KYNU: variants seen among roughly 807,000 people sequenced by gnomAD.
The protein encoded by KYNU is L-kynurenine hydrolase.
In KYNU, 54 loss-of-function variants were observed where a neutral mutation model predicts 59.2. The observed-to-expected ratio is 0.91, with a 90% confidence interval of 0.73 to 1.14. The LOEUF (loss-of-function observed/expected upper bound fraction) is 1.14. Among genes scored for constraint, KYNU ranks in the 50% most tolerant of loss-of-function variants. The pLI is 0.00. For missense variants in KYNU, 567 were observed against 554.4 expected, an observed-to-expected ratio of 1.02 and a Z score of -0.23; for synonymous variants, 177 against 192.0, an observed-to-expected ratio of 0.92 and a Z score of 0.65.
At chr2:142,922,645 A>G (rs1292528067) in intron 3 of KYNU, among the ~76,000 whole-genome samples, 2 of 152,226 alleles carry the variant, frequency 1.3e-5, no homozygotes, top group African/African-American at 2.4e-5. Context: ...CACGGATTCC[A>G]TCTTCTCCAG....
At chr2:142,918,154 CTTAAG>C (rs1429637705) in intron 2 of KYNU, among the ~76,000 whole-genome samples, 13 of 152,220 alleles carry the variant, frequency 8.5e-5, no homozygotes, top group East Asian at 5.8e-4. Context: ...AGTACATCTA[CTTAAG>C]TTATGTAAAT....
intron 3 of KYNU, among the ~76,000 whole-genome samples, chr2:142,924,596 T>C (rs773061646): frequency 7.9e-5 from 12 of 152,172 alleles, no homozygotes; most frequent in Non-Finnish European, 1.2e-4. Flanking sequence ...TCTATTAACT[T>C]CCTAATTTTA....
chr2:142,985,294 T>G, intron 9 of KYNU, 112 bp downstream of exon 9: 1 of 718,524 alleles, frequency 1.4e-6, no homozygotes, highest in South Asian at 1.5e-5. Context: ...TCCCTATTTC[T>G]TTTATTGTAT....
intron 8 of KYNU, among the ~76,000 whole-genome samples, chr2:142,982,756 G>A (rs965545702): frequency 5.9e-5 from 9 of 151,968 alleles, no homozygotes; most frequent in Non-Finnish European, 1.3e-4. Context: ...AAAACAGCTG[G>A]CTCACATTGA....
At chr2:142,893,803 G>A (rs1359885465) in intron 2 of KYNU, among the ~76,000 whole-genome samples, 1 of 151,984 alleles carries the variant, frequency 6.6e-6, no homozygotes, top group Non-Finnish European at 1.5e-5. Context: ...AATTGCTGAA[G>A]ACAATCTTTC....
At chr2:142,927,582 G>C in intron 3 of KYNU, 77 bp from the exon 4 acceptor site, 1 of 1,091,772 alleles carries the variant, frequency 9.2e-7, no homozygotes, top group Admixed American at 1.7e-5. Flanking sequence ...ATGTTTATTT[G>C]CTAAAGCTGA....
At chr2:142,920,473 G>T (rs559593726) in intron 3 of KYNU, among the ~76,000 whole-genome samples, 3 of 152,130 alleles carry the variant, frequency 2.0e-5, no homozygotes, top group Non-Finnish European at 4.4e-5. Context: ...AATATATTCT[G>T]CCCTGCTATT....
chr2:142,904,497 T>C (rs1396791807), intron 2 of KYNU, among the ~76,000 whole-genome samples: 1 of 152,192 alleles, frequency 6.6e-6, no homozygotes, highest in African/African-American at 2.4e-5. Flanking sequence ...TCATTTGGGA[T>C]TAGTGTCTGA....
intron 4 of KYNU, among the ~76,000 whole-genome samples, chr2:142,930,884 C>T (rs897541499): frequency 6.6e-6 from 1 of 152,190 alleles, no homozygotes; most frequent in Admixed American, 6.5e-5. Flanking sequence ...CAATAGACAA[C>T]ACGAGGTGGT....
intron 8 of KYNU, among the ~76,000 whole-genome samples, chr2:142,984,364 C>T (rs1021225313): frequency 6.6e-6 from 1 of 151,906 alleles, no homozygotes; most frequent in African/African-American, 2.4e-5. Flanking sequence ...CTAATTTCCC[C>T]TGGAAACTCT....
rs895938167 is a variant in KYNU, at chr2:142,960,113, C to G, written c.583-511C>G. On this transcript the variant is annotated intron_variant, in intron 7 of 13. Transcript: ENST00000264170. The stretch of plus-strand genomic sequence containing the variant: ...TGTTGGCCAAGCTGGTCTCAAACTC[C>G]TTACCTCAAGTGATCTGCCCACCTT... Among the ~76,000 whole-genome samples, 4 of 152,164 alleles carry G rather than the reference C, an allele frequency of 2.6e-5. No individual in the cohort carries two copies. The South Asian group carries it at 8.3e-4, about 31-fold the overall frequency.
intron 10 of KYNU, among the ~76,000 whole-genome samples, chr2:143,021,974 C>A (rs1294407464): frequency 1.2e-4 from 18 of 151,944 alleles, no homozygotes; most frequent in African/African-American, 4.4e-4. Context: ...ATTTAGATTT[C>A]AGATATTTAT....
intron 10 of KYNU, among the ~76,000 whole-genome samples, chr2:143,028,847 TCAAA>T (rs1488780275): frequency 2.4e-5 from 2 of 81,776 alleles, no homozygotes; most frequent in East Asian, 7.6e-4. Context: ...AAACTCTGTC[TCAAA>T]CAAAACAAAA....
rs1160628544 is a variant in KYNU at position 142,973,699 on chromosome 2, T to C, written c.730-11385T>C. Among the ~76,000 whole-genome samples the C allele has an allele frequency of 2.6e-5, 4 of 152,152 alleles. No individual in the cohort carries two copies. In the East Asian group the frequency reaches 5.8e-4, roughly 22 times the overall value. On this transcript the variant is annotated intron_variant, in intron 8 of 13. Coordinates refer to ENST00000264170, the MANE Select transcript of KYNU (RefSeq NM_003937.3). The stretch of plus-strand genomic sequence containing the variant: ...CTCGCTCCCATTGTCTAATACCAGC[T>C]GAGGTGTACATTACACTCAAGAAAT...
intron 2 of KYNU, among the ~76,000 whole-genome samples, chr2:142,899,328 G>A (rs1681992657): frequency 6.6e-6 from 1 of 152,128 alleles, no homozygotes; most frequent in African/African-American, 2.4e-5. Context: ...TTTACCTCCT[G>A]CTTTTAGCCT....
intron 4 of KYNU, among the ~76,000 whole-genome samples, chr2:142,936,201 T>C (rs964621480): frequency 2.0e-5 from 3 of 152,068 alleles, no homozygotes; most frequent in African/African-American, 4.8e-5. Flanking sequence ...GTGATCTGAG[T>C]GCAAAAAACG....
chr2:142,993,716 C>A (rs145087791), intron 10 of KYNU, among the ~76,000 whole-genome samples: 53 of 151,868 alleles, frequency 3.5e-4, no homozygotes, highest in Non-Finnish European at 5.4e-4. Context: ...CATTGAGGCA[C>A]GAGCACAGTT....
At chr2:143,016,635 G>A (rs536355172) in intron 10 of KYNU, among the ~76,000 whole-genome samples, 1 of 152,078 alleles carries the variant, frequency 6.6e-6, no homozygotes, top group Non-Finnish European at 1.5e-5. Flanking sequence ...GATTTGAGAA[G>A]GGTTCTGACT....
At chr2:143,006,097 A>G (rs917433745) in intron 10 of KYNU, among the ~76,000 whole-genome samples, 3 of 152,122 alleles carry the variant, frequency 2.0e-5, no homozygotes, top group Non-Finnish European at 2.9e-5. Context: ...AGCTCCCAGC[A>G]TGAGCAACGC....
Sources: allele counts gnomAD v4.1 joint callset (sites outside exome capture counted in the v4.1 genomes callset), GRCh38; gene constraint gnomAD v4.1.1; transcripts MANE v1.5; gene names NCBI Gene and HGNC (gene_info 2026-07-23, HGNC 2026-07-21).